Variants in ANKIB1 observed in about 807,000 individuals in gnomAD.
ANKIB1 encodes the protein ankyrin repeat and IBR domain containing 1, also known as ankyrin repeat and IBR domain-containing protein 1.
A neutral mutation model predicts 122.1 loss-of-function variants in ANKIB1; 43 were observed. The observed-to-expected ratio is 0.35, with a 90% CI of 0.28 to 0.45. The LOEUF (loss-of-function observed/expected upper bound fraction) is 0.45. Among genes scored for constraint, ANKIB1 ranks in the 20% least tolerant of loss-of-function variants. The probability of loss-of-function intolerance (pLI) is 1.00; values close to 1 mark genes in which losing one functional copy is unlikely to be tolerated. For missense variants in ANKIB1, 992 were observed against 1,329.5 expected (o/e 0.75, Z 3.95); for synonymous variants, 390 against 442.0 (o/e 0.88, Z 1.48).
intron 11 of ANKIB1, among the ~76,000 whole-genome samples, chr7:92,377,071 CACA>C (rs1479090582): frequency 6.6e-6 from 1 of 152,198 alleles, no homozygotes; most frequent in African/African-American, 2.4e-5. Context: ...GGCTAACTGA[CACA>C]AGAAGCCTAG....
chr7:92,297,910 C>T (rs1477680085), intron 2 of ANKIB1, among the ~76,000 whole-genome samples: 1 of 152,090 alleles, frequency 6.6e-6, no homozygotes, highest in African/African-American at 2.4e-5. Flanking sequence ...TCTTGCTTTT[C>T]CCACTTTTAA....
chr7:92,300,169 C>G (rs1802433033), intron 2 of ANKIB1, among the ~76,000 whole-genome samples: 2 of 152,152 alleles, frequency 1.3e-5, no homozygotes, highest in African/African-American at 4.8e-5. Context: ...AACTGCTGAT[C>G]TGGTTCCTCC....
chr7:92,314,247 G>A (rs532566123), intron 3 of ANKIB1, among the ~76,000 whole-genome samples: 4 of 151,824 alleles, frequency 2.6e-5, no homozygotes, highest in African/African-American at 7.2e-5. Context: ...ACAGTGAGCC[G>A]TGATCATGCT....
intron 1 of ANKIB1, among the ~76,000 whole-genome samples, chr7:92,267,991 G>A (rs766642182): frequency 1.5e-4 from 23 of 152,262 alleles, no homozygotes; most frequent in Non-Finnish European, 2.4e-4. Context: ...GTGTACTTTC[G>A]TTGTGATAGG....
intron 1 of ANKIB1, 148 bp downstream of exon 1, chr7:92,246,667 C>G (rs920161532): frequency 4.5e-6 from 2 of 444,512 alleles, no homozygotes; most frequent in Non-Finnish European, 9.0e-6. Context: ...TCTGTCTGTC[C>G]CCATCCCTGA....
At chr7:92,361,816 T>G (rs904514952) in intron 9 of ANKIB1, among the ~76,000 whole-genome samples, 36 of 145,266 alleles carry the variant, frequency 2.5e-4, no homozygotes, top group Non-Finnish European at 5.0e-4. Context: ...ACTTTTTTTG[T>G]TTTTTTTTTT....
At position 92,398,829 on chromosome 7, in the gene ANKIB1, A is replaced by G. The variant is rs776198814; in HGVS notation, c.3150A>G (p.Glu1050=). The change falls in exon 20 of 20, where the codon GAA becomes GAG. Residue 1050 remains glutamate, a synonymous_variant. Coordinates refer to ENST00000265742, the MANE Select transcript of ANKIB1 (RefSeq NM_019004.2). Reference sequence around the variant, plus strand: ...TGGAAGAAAATATTCTGGCGGGGGAAGCAGCATCTCAAGCTGGTGACAGTG... The same window carrying G: ...TGGAAGAAAATATTCTGGCGGGGGAGGCAGCATCTCAAGCTGGTGACAGTG... ...NPLEENILAG[E]AASQAGDSGN... 1 of 1,605,292 alleles carries G rather than the reference A, an allele frequency of 6.2e-7. No individual in the cohort carries two copies. The highest frequency in any genetic ancestry group is 8.5e-7 in the Non-Finnish European group (1 of 1,175,588).
At chr7:92,283,973 G>C (rs971684608) in intron 1 of ANKIB1, among the ~76,000 whole-genome samples, 3 of 152,102 alleles carry the variant, frequency 2.0e-5, no homozygotes. Context: ...GTTTCATCAT[G>C]TTGGCCAGGC....
intron 11 of ANKIB1, among the ~76,000 whole-genome samples, chr7:92,377,305 A>G (rs1804403384): frequency 6.6e-6 from 1 of 152,166 alleles, no homozygotes. Context: ...CTAGTTAGTG[A>G]GGTGGTCAGA....
Position 92,330,196 on chromosome 7 carries a change from T to C in ANKIB1, c.787+2296T>C, listed in dbSNP as rs550974404. ...GTCTATTCCTATTTTATTCCATGCA[T>C]ATATGTGTCATACACTTAGAATGGA... On this transcript the variant is annotated intron_variant, in intron 5 of 19. Coordinates refer to ENST00000265742, the MANE Select transcript of ANKIB1 (RefSeq NM_019004.2). 2.0e-5 allele frequency among the ~76,000 whole-genome samples: 3 copies of C among 152,320 alleles called. No homozygotes were observed. The East Asian group carries it at 5.8e-4, about 29-fold the overall frequency.
chr7:92,274,260 A>G (rs1291047619), intron 1 of ANKIB1, among the ~76,000 whole-genome samples: 1 of 152,234 alleles, frequency 6.6e-6, no homozygotes, highest in Non-Finnish European at 1.5e-5. Flanking sequence ...AACAAAAACA[A>G]GAGTATAGAT....
chr7:92,369,486 C>A lies in ANKIB1; in HGVS notation c.1487-1991C>A, dbSNP rs559260181. 9.2e-5 allele frequency among the ~76,000 whole-genome samples: 14 copies of A among 152,322 alleles called. No homozygotes were observed. The South Asian group carries it at 2.9e-3, about 32-fold the overall frequency. On this transcript the variant is annotated intron_variant, in intron 10 of 19. Transcript: ENST00000265742. ...GGACTGCTTCTCTGCTTCTGGTGCTCAGCCCTTCCAATCCATACACAGAGC... is the reference window on the plus strand; with the variant it reads ...GGACTGCTTCTCTGCTTCTGGTGCTAAGCCCTTCCAATCCATACACAGAGC...
intron 1 of ANKIB1, among the ~76,000 whole-genome samples, chr7:92,257,728 G>A (rs1801477208): frequency 6.6e-6 from 1 of 152,234 alleles, no homozygotes; most frequent in Non-Finnish European, 1.5e-5. Flanking sequence ...GGAGGCGGAG[G>A]TTGCCATGAG....
At chr7:92,347,461 C>T (rs1423766774) in intron 7 of ANKIB1, among the ~76,000 whole-genome samples, 1 of 152,036 alleles carries the variant, frequency 6.6e-6, no homozygotes, top group African/African-American at 2.4e-5. Context: ...AGGGAATAGC[C>T]AGGCATAGTG....
chr7:92,268,622 T>C (rs1801721442), intron 1 of ANKIB1, among the ~76,000 whole-genome samples: 1 of 152,082 alleles, frequency 6.6e-6, no homozygotes, highest in South Asian at 2.1e-4. Context: ...ATTAGAGGCA[T>C]GCACCAGCAC....
chr7:92,312,754 T>C (rs1802716132), intron 3 of ANKIB1, among the ~76,000 whole-genome samples: 1 of 152,200 alleles, frequency 6.6e-6, no homozygotes, highest in Non-Finnish European at 1.5e-5. Context: ...TAACAGGTCC[T>C]ATAAGCTTCA....
chr7:92,387,945 GGT>G, intron 13 of ANKIB1, 28 bp from the exon 14 acceptor site: 2 of 1,598,362 alleles, frequency 1.3e-6, no homozygotes, highest in Non-Finnish European at 1.7e-6. Flanking sequence ...TAAAGAGAAT[GGT>G]TTAAATTCTT....
At chr7:92,334,908 GT>G (rs1803254359) in intron 5 of ANKIB1, among the ~76,000 whole-genome samples, 1 of 151,710 alleles carries the variant, frequency 6.6e-6, no homozygotes, top group Non-Finnish European at 1.5e-5. Context: ...ATGCCCTTGT[GT>G]GCCTATCCAT....
intron 1 of ANKIB1, among the ~76,000 whole-genome samples, chr7:92,273,768 AT>A (rs1051783855): frequency 2.7e-5 from 4 of 148,832 alleles, no homozygotes; most frequent in African/African-American, 7.4e-5. Context: ...TCAGACAGCT[AT>A]TTTTTTTCTT....
Sources: allele counts gnomAD v4.1 joint callset (sites outside exome capture counted in the v4.1 genomes callset), GRCh38; gene constraint gnomAD v4.1.1; transcripts MANE v1.5; gene names NCBI Gene and HGNC (gene_info 2026-07-23, HGNC 2026-07-21).